FAT4: variants seen among roughly 807,000 people sequenced by gnomAD.
The protein encoded by FAT4 is FAT atypical cadherin 4.
A neutral mutation model predicts 303.9 loss-of-function variants in FAT4; 84 were observed. The observed-to-expected ratio is 0.28, with a 90% confidence interval of 0.23 to 0.33. FAT4 has a LOEUF of 0.33. FAT4 is among the 10% of genes least tolerant of loss of function. The pLI, the probability that FAT4 is intolerant of heterozygous loss-of-function variation, is 1.00. For missense variants in FAT4, 6,005 were observed against 6,146.8 expected (o/e 0.98, Z 0.77); for synonymous variants, 2,307 against 2,298.8 (o/e 1.00, Z -0.10).
intron 2 of FAT4, among the ~76,000 whole-genome samples, chr4:125,397,388 C>A (rs574976519): frequency 1.3e-5 from 2 of 152,156 alleles, no homozygotes; most frequent in East Asian, 3.9e-4. Flanking sequence ...ATATTTACAA[C>A]CCTGCAAGGA....
intron 2 of FAT4, chr4:125,363,027 C>A (rs1482118846): frequency 3.3e-5 from 5 of 151,110 alleles, no homozygotes; most frequent in Admixed American, 6.6e-5. Context: ...TTTTAGAACT[C>A]ATTTGAAAAA....
intron 2 of FAT4, among the ~76,000 whole-genome samples, chr4:125,373,031 A>G (rs1362569817): frequency 1.3e-5 from 2 of 152,178 alleles, no homozygotes; most frequent in East Asian, 3.8e-4. Flanking sequence ...TTTAAATAAA[A>G]CATTACCTTT....
chr4:125,353,803 T>C lies in FAT4; in HGVS notation c.5175+32217T>C, dbSNP rs867402434. Reference sequence around the variant, plus strand: ...AGTAAAATATTTAGTGACTGAAAAATTCCAAATGAAGACTAAGTAAAATAT... The same window carrying C: ...AGTAAAATATTTAGTGACTGAAAAACTCCAAATGAAGACTAAGTAAAATAT... On this transcript the variant is annotated intron_variant, in intron 2 of 17. Transcript: ENST00000394329. 5.3e-5 allele frequency among the ~76,000 whole-genome samples: 8 copies of C among 151,746 alleles called. No homozygotes were observed. The South Asian group carries it at 1.5e-3, about 28-fold the overall frequency.
At chr4:125,360,283 A>G (rs992122) in intron 2 of FAT4, among the ~76,000 whole-genome samples, 19,987 of 152,026 alleles carry the variant, frequency 0.13, 2,003 homozygotes, top group African/African-American at 0.27. Flanking sequence ...CTGGGTTCAT[A>G]TTCCACTTTC....
Position 125,317,291 on chromosome 4 carries a change from AC to A in FAT4, c.885del (p.Phe296SerfsTer45). On this transcript the variant is annotated frameshift_variant, in exon 2 of 18. Transcript: ENST00000394329. LOFTEE classifies it high-confidence loss of function. This position sits in a 1 kb window ranked among gnomAD's most constrained non-coding sequence, Gnocchi z 7.0. ...DIRYRLQDEG[T>X]PFQMDPETGL... ...CCGCTATCGCCTGCAGGACGAGGGG[AC>A]CCCCTTCCAAATGGACCCTGAGACG... is the stretch of plus-strand genomic sequence containing the variant. 6.3e-7 allele frequency: 1 copy of A among 1,593,330 alleles called. No homozygotes were observed.
intron 12 of FAT4, among the ~76,000 whole-genome samples, chr4:125,474,369 T>G (rs2126081435): frequency 6.6e-6 from 1 of 152,096 alleles, no homozygotes; most frequent in South Asian, 2.1e-4. Context: ...GAAGTTGAAT[T>G]ATAAAAACCT....
intron 2 of FAT4, among the ~76,000 whole-genome samples, chr4:125,332,860 A>G (rs185936932): frequency 3.0e-4 from 46 of 152,268 alleles, no homozygotes; most frequent in African/African-American, 1.1e-3. Context: ...TTTCCTGGAC[A>G]GAAAAGTATT....
At chr4:125,453,800 G>C (rs1278838182) in intron 10 of FAT4, among the ~76,000 whole-genome samples, 1 of 152,036 alleles carries the variant, frequency 6.6e-6, no homozygotes, top group Non-Finnish European at 1.5e-5. Flanking sequence ...CTGAGCCACA[G>C]CTTATCTTGA....
intron 2 of FAT4, among the ~76,000 whole-genome samples, chr4:125,385,700 T>G (rs2126002335): frequency 6.6e-6 from 1 of 152,308 alleles, no homozygotes; most frequent in African/African-American, 2.4e-5. Flanking sequence ...AATTGATGGC[T>G]TTTTCCATTA....
intron 7 of FAT4, among the ~76,000 whole-genome samples, chr4:125,420,737 A>G (rs909877462): frequency 6.6e-6 from 1 of 152,200 alleles, no homozygotes; most frequent in Non-Finnish European, 1.5e-5. Context: ...AGTGCTTAAA[A>G]TACTGCTTGA....
In FAT4 at chr4:125,492,717, T is replaced by C. The variant is rs1309571700; in HGVS notation, c.*949T>C. On this transcript the variant is annotated 3_prime_UTR_variant, in exon 18 of 18. Coordinates refer to ENST00000394329, the MANE Select transcript of FAT4 (RefSeq NM_001291303.3). ...TTTGTAGATCATTTTTTTAAAATAC[T>C]GTGTAAAAACTTTTTTTACACCTAA... 2.0e-5 allele frequency: 3 copies of C among 152,556 alleles called. No individual in the cohort carries two copies. The highest frequency in any genetic ancestry group is 2.9e-5 in the Non-Finnish European group (2 of 68,006). The allele number at this position is 152,556 out of a possible 1,614,324, so 9.5% of individuals were successfully genotyped here.
chr4:125,453,716 A>G (rs1235124307), intron 10 of FAT4, among the ~76,000 whole-genome samples: 1 of 152,092 alleles, frequency 6.6e-6, no homozygotes, highest in Non-Finnish European at 1.5e-5. Context: ...AAAAAAAAAA[A>G]AAAATGGTGT....
Position 125,319,481 on chromosome 4 carries a change from G to A in FAT4, c.3070G>A (p.Asp1024Asn). ...RFFKVQASDK[D>N]SGANGEIAYT... Reference sequence around the variant, plus strand: ...CTTTAAAGTACAAGCTTCTGATAAGGATTCAGGAGCAAATGGTGAAATTGC... The same window carrying A: ...CTTTAAAGTACAAGCTTCTGATAAGAATTCAGGAGCAAATGGTGAAATTGC... The change falls in exon 2 of 18, where the codon GAT (aspartate) becomes AAT (asparagine). Residue 1024 changes from aspartate to asparagine, a missense_variant. Coordinates refer to ENST00000394329, the MANE Select transcript of FAT4 (RefSeq NM_001291303.3). 2 of 1,613,050 alleles carry A rather than the reference G, an allele frequency of 1.2e-6. No homozygotes were observed. The highest frequency in any genetic ancestry group is 1.7e-6 in the Non-Finnish European group (2 of 1,179,044).
chr4:125,320,030 G>A lies in FAT4; in HGVS notation c.3619G>A (p.Ala1207Thr). Residue 1207 changes from alanine (A) to threonine (T), a missense_variant, in exon 2 of 18, where the codon GCT becomes ACT. Physicochemically the swap from Ala to Thr is moderately conservative, Grantham distance 58. Coordinates refer to ENST00000394329, the MANE Select transcript of FAT4 (RefSeq NM_001291303.3). ...HVYMKDINDN[A>T]PKFLKDFYQA... Reference sequence around the variant, plus strand: ...TTACATGAAGGATATAAATGATAATGCTCCCAAATTTTTAAAAGACTTTTA... The same window carrying A: ...TTACATGAAGGATATAAATGATAATACTCCCAAATTTTTAAAAGACTTTTA... 6.2e-7 allele frequency: 1 copy of A among 1,613,264 alleles called. No homozygotes were observed. The highest frequency in any genetic ancestry group is 1.1e-5 in the South Asian group (1 of 91,072).
chr4:125,376,802 T>A (rs750729039), intron 2 of FAT4, among the ~76,000 whole-genome samples: 1 of 152,040 alleles, frequency 6.6e-6, no homozygotes, highest in Non-Finnish European at 1.5e-5. Context: ...GGAGAATCAC[T>A]TGAACCCAGG....
At chr4:125,367,032 T>G (rs1214037397) in intron 2 of FAT4, among the ~76,000 whole-genome samples, 2 of 152,162 alleles carry the variant, frequency 1.3e-5, no homozygotes, top group Non-Finnish European at 2.9e-5. Flanking sequence ...TGCAAATTTT[T>G]TTTGCATTCT....
Position 125,449,604 on chromosome 4 carries a change from C to T in FAT4, c.8594C>T (p.Thr2865Ile). 6.2e-7 allele frequency: 1 copy of T among 1,613,784 alleles called. No homozygotes were observed. The highest frequency in any genetic ancestry group is 8.5e-7 in the Non-Finnish European group (1 of 1,179,866). Residue 2865 changes from threonine to isoleucine, a missense_variant, in exon 10 of 18, where the codon ACA (threonine) becomes ATA (isoleucine). Physicochemically the swap from Thr to Ile is moderately conservative, Grantham distance 89. Coordinates refer to ENST00000394329, the MANE Select transcript of FAT4 (RefSeq NM_001291303.3). ...AGTACAGATGTCACAATATTTGTGACAGACATCAATGACAATGCTCCAAGA... is the reference window on the plus strand; with the variant it reads ...AGTACAGATGTCACAATATTTGTGATAGACATCAATGACAATGCTCCAAGA... ...TVSTDVTIFV[T>I]DINDNAPRFS...
chr4:125,326,235 A>G (rs539714026), intron 2 of FAT4, among the ~76,000 whole-genome samples: 1 of 152,158 alleles, frequency 6.6e-6, no homozygotes, highest in South Asian at 2.1e-4. Context: ...TGATGGAGAC[A>G]TTTGTGAGGT....
intron 5 of FAT4, among the ~76,000 whole-genome samples, chr4:125,414,003 T>C (rs543635727): frequency 9.5e-4 from 144 of 152,146 alleles, no homozygotes; most frequent in Non-Finnish European, 1.9e-3. Context: ...ATTTTTCCAA[T>C]GTCATTAGGA....
Sources: gnomAD v4.1 joint callset for allele counts (sites outside exome capture counted in the v4.1 genomes callset) on GRCh38, gnomAD v4.1.1 for gene constraint, Gnocchi (gnomAD v3.1) non-coding constraint, MANE v1.5 for transcripts, NCBI Gene and HGNC (gene_info 2026-07-23, HGNC 2026-07-21) for gene names.